Variants in CUL2 observed in about 807,000 individuals in gnomAD.
CUL2 encodes cullin 2.
CUL2 carries 22 observed loss-of-function variants against 110.2 expected under a neutral mutation model. The ratio of observed to expected loss-of-function variants is 0.20; its 90% CI spans 0.14 to 0.28. The LOEUF (loss-of-function observed/expected upper bound fraction) is 0.28. Ranked by LOEUF, CUL2 falls within the 10% of genes least tolerant of loss-of-function variation. The pLI is 1.00. For missense variants in CUL2, 631 were observed against 905.5 expected (o/e 0.70, Z 3.89); for synonymous variants, 279 against 293.2 (o/e 0.95, Z 0.49).
chr10:35,065,163 C>T (rs1180353949), intron 2 of CUL2, among the ~76,000 whole-genome samples: 1 of 152,098 alleles, frequency 6.6e-6, no homozygotes, highest in African/African-American at 2.4e-5. Flanking sequence ...AACGTTTAGC[C>T]CTTATGAAGA....
intron 5 of CUL2, among the ~76,000 whole-genome samples, chr10:35,051,855 CT>C (rs2134858947): frequency 6.6e-6 from 1 of 152,310 alleles, no homozygotes; most frequent in Non-Finnish European, 1.5e-5. Flanking sequence ...AGTAAATCAA[CT>C]GCTCGGTTTC....
chr10:35,111,869 T>C (rs1349586011), intron 1 of CUL2, among the ~76,000 whole-genome samples: 15 of 152,150 alleles, frequency 9.9e-5, no homozygotes, highest in Admixed American at 9.8e-4. Context: ...CAGCCTGATA[T>C]ATTGCTATTA....
At chr10:35,121,817 A>T (rs143146246) in intron 1 of CUL2, among the ~76,000 whole-genome samples, 39 of 152,140 alleles carry the variant, frequency 2.6e-4, no homozygotes, top group Admixed American at 6.5e-4. Context: ...CTCAAAAAAA[A>T]AAAAAAAAAT....
At chr10:35,027,179 C>T (rs1262777833) in intron 16 of CUL2, among the ~76,000 whole-genome samples, 1 of 142,538 alleles carries the variant, frequency 7.0e-6, no homozygotes, top group African/African-American at 2.6e-5. Flanking sequence ...GAGTCTCGCT[C>T]TATCACCCAG....
intron 2 of CUL2, chr10:35,063,802 T>C (rs1206899588): frequency 2.0e-5 from 3 of 150,044 alleles, no homozygotes; most frequent in African/African-American, 7.4e-5. Context: ...TCTCAACATC[T>C]CCAATAATTA....
chr10:35,062,725 T>C (rs2086414874), intron 3 of CUL2, among the ~76,000 whole-genome samples: 1 of 150,528 alleles, frequency 6.6e-6, no homozygotes. Context: ...TATTCCTAGC[T>C]ACTCGGGAGG....
At chr10:35,072,069 G>A (rs1218610591) in intron 1 of CUL2, among the ~76,000 whole-genome samples, 3 of 152,130 alleles carry the variant, frequency 2.0e-5, no homozygotes, top group East Asian at 1.9e-4. Flanking sequence ...AGTGGGGAAT[G>A]AGGCAGCATG....
At chr10:35,068,097 G>A (rs1332685324) in intron 2 of CUL2, among the ~76,000 whole-genome samples, 5 of 141,646 alleles carry the variant, frequency 3.5e-5, no homozygotes, top group Non-Finnish European at 7.6e-5. Context: ...GCGACAGAGC[G>A]AGACTCCGTC....
At chr10:35,034,842 T>A (rs1379293678) in intron 10 of CUL2, among the ~76,000 whole-genome samples, 1 of 152,220 alleles carries the variant, frequency 6.6e-6, no homozygotes, top group African/African-American at 2.4e-5. Flanking sequence ...TTAATACTAC[T>A]ACCATGACAA....
chr10:35,046,032 C>T (rs562953459), intron 6 of CUL2, among the ~76,000 whole-genome samples: 1 of 152,316 alleles, frequency 6.6e-6, no homozygotes, highest in African/African-American at 2.4e-5. Flanking sequence ...AGGCAATTAC[C>T]TTTACATACT....
At position 35,025,202 on chromosome 10, in the gene CUL2, T is replaced by TAAAAAAAA. The variant is rs58779572; in HGVS notation, c.1618-12_1618-5dup. 1 of 1,246,510 alleles carries TAAAAAAAA rather than the reference T, an allele frequency of 8.0e-7. No homozygotes were observed. The highest frequency in any genetic ancestry group is 1.1e-6 in the Non-Finnish European group (1 of 929,032). 77.2% of individuals were successfully genotyped at this position (1,246,510 alleles called of 1,614,324 possible). A position where few individuals can be genotyped will look rare whatever the true frequency, so the allele number is the denominator to read the frequency against. ...GTTGGCTATAAAATAATTCAAACTG[T>TAAAAAAAA]AAAAAAAAAAAAAAAACACACATTA... On this transcript the variant is annotated splice_polypyrimidine_tract_variant and splice_region_variant and intron_variant, in intron 16 of 20. Transcript: ENST00000374749.
intron 1 of CUL2, among the ~76,000 whole-genome samples, chr10:35,110,390 C>G (rs1259898276): frequency 6.6e-6 from 1 of 151,954 alleles, no homozygotes; most frequent in Admixed American, 6.6e-5. Flanking sequence ...ATGGTGAAAC[C>G]TGTCTCTACC....
At chr10:35,018,991 C>T (rs975099518) in intron 17 of CUL2, among the ~76,000 whole-genome samples, 186 of 152,086 alleles carry the variant, frequency 1.2e-3, no homozygotes, top group Non-Finnish European at 4.6e-4. Flanking sequence ...ATTCAATATC[C>T]AATTCATAGA....
At chr10:35,015,293 CAAA>C (rs201140168) in intron 18 of CUL2, among the ~76,000 whole-genome samples, 6 of 80,792 alleles carry the variant, frequency 7.4e-5, no homozygotes, top group Admixed American at 1.4e-4. Context: ...AACTCCGTCT[CAAA>C]AAAAAAAAAA....
chr10:35,009,197 TATATTA>T lies in CUL2; in HGVS notation c.*1108_*1113del, dbSNP rs1431033139. The T allele has an allele frequency of 3.1e-5, 3 of 95,996 alleles. No homozygotes were observed. The highest frequency in any genetic ancestry group is 1.2e-4 in the African/African-American group (3 of 25,870). 5.9% of individuals were successfully genotyped at this position (95,996 alleles called of 1,614,324 possible). A position where few individuals can be genotyped will look rare whatever the true frequency, so the allele number is the denominator to read the frequency against. On this transcript the variant is annotated 3_prime_UTR_variant, in exon 21 of 21. Coordinates refer to ENST00000374749, the MANE Select transcript of CUL2 (RefSeq NM_003591.4). Reference sequence around the variant, plus strand: ...ACTGCTGTTGAGATATATATATATATATATTATATATATATATATATATAAAATAAA... The same window carrying T: ...ACTGCTGTTGAGATATATATATATATTATATATATATATATATAAAATAAA...
rs757021969 is a variant in CUL2, at chr10:35,071,261, C to T, written c.57G>A (p.Thr19=). 6.8e-6 allele frequency: 11 copies of T among 1,613,886 alleles called. No individual in the cohort carries two copies. The highest frequency in any genetic ancestry group is 2.7e-5 in the African/African-American group (2 of 74,920). The part of the protein sequence containing the change: ...DFDETWNKLL[T]TIKAVVMLEY... ...CCAACATGACCACGGCTTTTATTGTCGTCAAAAGTTTGTTCCATGTTTCAT... is the reference window on the plus strand; with the variant it reads ...CCAACATGACCACGGCTTTTATTGTTGTCAAAAGTTTGTTCCATGTTTCAT... The change falls in exon 2 of 21, where the codon ACG becomes ACA. Residue 19 remains threonine, a synonymous_variant. Transcript: ENST00000374749.
chr10:35,054,615 A>C (rs977552949), intron 4 of CUL2, 76 bp from the exon 5 acceptor site: 6 of 716,296 alleles, frequency 8.4e-6, no homozygotes, highest in Non-Finnish European at 1.4e-5. Flanking sequence ...ACTTTAGAAG[A>C]ATATTTTTAA....
chr10:35,028,511 C>T (rs1409993727), intron 16 of CUL2, among the ~76,000 whole-genome samples: 1 of 152,180 alleles, frequency 6.6e-6, no homozygotes, highest in Non-Finnish European at 1.5e-5. Flanking sequence ...GAATTCTAAG[C>T]TTTCTTCTGA....
rs578144046 is a variant in CUL2 at position 35,031,714 on chromosome 10, G to A, written c.1171-95C>T. On this transcript the variant is annotated intron_variant, in intron 12 of 20. Coordinates refer to ENST00000374749, the MANE Select transcript of CUL2 (RefSeq NM_003591.4). This position sits in a 1 kb window ranked among gnomAD's most constrained non-coding sequence, Gnocchi z 4.4. ...AGTGGTGATACAAGGTAAGATCAGC[G>A]GACAGAATTTTTGCTGTTTTTTTTA... 54 of 1,388,854 alleles carry A rather than the reference G, an allele frequency of 3.9e-5. No homozygotes were observed. The highest frequency in any genetic ancestry group is 1.2e-4 in the East Asian group (5 of 43,270). The allele number at this position is 1,388,854 out of a possible 1,614,324, so 86.0% of individuals were successfully genotyped here. A position where few individuals can be genotyped will look rare whatever the true frequency, so the allele number is the denominator to read the frequency against.
Sources: gnomAD v4.1 joint callset for allele counts (sites outside exome capture counted in the v4.1 genomes callset) on GRCh38, gnomAD v4.1.1 for gene constraint, Gnocchi (gnomAD v3.1) non-coding constraint, MANE v1.5 for transcripts, NCBI Gene and HGNC (gene_info 2026-07-23, HGNC 2026-07-21) for gene names.